ZMIZ1: variants seen among roughly 807,000 people sequenced by gnomAD.
ZMIZ1 encodes zinc finger MIZ-type containing 1.
A neutral mutation model predicts 113.9 loss-of-function variants in ZMIZ1; 17 were observed. The observed-to-expected ratio is 0.15, with a 90% CI of 0.10 to 0.22. The LOEUF (loss-of-function observed/expected upper bound fraction) is 0.22. Ranked by LOEUF, ZMIZ1 falls within the 10% of genes least tolerant of loss-of-function variation. The pLI is 1.00. For synonymous variants in ZMIZ1, 607 were observed against 603.1 expected (o/e 1.01, Z -0.09); for missense variants, 1,059 against 1,477.8 (o/e 0.72, Z 4.65).
At chr10:79,190,330 G>A (rs1375856085) in intron 4 of ZMIZ1, among the ~76,000 whole-genome samples, 1 of 152,294 alleles carries the variant, frequency 6.6e-6, no homozygotes, top group Admixed American at 6.5e-5. Context: ...CTGAGGCCTG[G>A]GTGTGGGCCC....
At chr10:79,091,655 C>T (rs564979584) in intron 1 of ZMIZ1, among the ~76,000 whole-genome samples, 26 of 152,140 alleles carry the variant, frequency 1.7e-4, no homozygotes, top group African/African-American at 6.0e-4. Context: ...AGGCAAGGAG[C>T]GGGAGGAAAG....
chr10:79,279,186 A>ACG (rs1413442163), intron 8 of ZMIZ1, among the ~76,000 whole-genome samples: 14 of 150,392 alleles, frequency 9.3e-5, no homozygotes, highest in Non-Finnish European at 1.8e-4. Flanking sequence ...TGCCAGGGGG[A>ACG]GGGGCTCCTC....
At chr10:79,074,581 C>G (rs1319959604) in intron 1 of ZMIZ1, among the ~76,000 whole-genome samples, 2 of 152,204 alleles carry the variant, frequency 1.3e-5, no homozygotes, top group African/African-American at 4.8e-5. Context: ...AGAGGTGTTT[C>G]CAGCCCCCCG....
chr10:79,103,928 G>T (rs969300332), intron 1 of ZMIZ1, among the ~76,000 whole-genome samples: 1 of 152,208 alleles, frequency 6.6e-6, no homozygotes, highest in Non-Finnish European at 1.5e-5. Context: ...AGCACCATTT[G>T]CCATTGGCTG....
At chr10:79,202,413 G>A (rs188637325) in intron 5 of ZMIZ1, among the ~76,000 whole-genome samples, 4 of 151,974 alleles carry the variant, frequency 2.6e-5, no homozygotes, top group African/African-American at 7.2e-5. Flanking sequence ...AAACCAGCCT[G>A]GGCAACATAG....
At chr10:79,225,939 C>T (rs1849183510) in intron 7 of ZMIZ1, among the ~76,000 whole-genome samples, 1 of 152,164 alleles carries the variant, frequency 6.6e-6, no homozygotes, top group South Asian at 2.1e-4. Flanking sequence ...GTGAGAGTGC[C>T]TCTTAAAATA....
At chr10:79,268,280 G>A (rs967506265) in intron 7 of ZMIZ1, among the ~76,000 whole-genome samples, 1 of 152,236 alleles carries the variant, frequency 6.6e-6, no homozygotes, top group African/African-American at 2.4e-5. Context: ...GGCTGTGCAT[G>A]TCATGAAACA....
intron 7 of ZMIZ1, among the ~76,000 whole-genome samples, chr10:79,219,106 G>T (rs1848858854): frequency 6.6e-6 from 1 of 152,162 alleles, no homozygotes; most frequent in Admixed American, 6.5e-5. Flanking sequence ...GGAGGTCGGG[G>T]TGAGGATGAT....
At chr10:79,311,653 A>G (rs1424821927) in intron 24 of ZMIZ1, among the ~76,000 whole-genome samples, 1 of 150,662 alleles carries the variant, frequency 6.6e-6, no homozygotes, top group Non-Finnish European at 1.5e-5. Context: ...TCCATCGCTC[A>G]CTCCAAGAGG....
intron 23 of ZMIZ1, among the ~76,000 whole-genome samples, chr10:79,308,182 G>GT (rs745687418): frequency 1.0e-3 from 153 of 152,252 alleles, no homozygotes; most frequent in Non-Finnish European, 1.4e-3. Context: ...AGGCCCTCCT[G>GT]TCCCCTGGAG....
At chr10:79,279,114 C>G (rs914759263) in intron 8 of ZMIZ1, among the ~76,000 whole-genome samples, 1 of 149,390 alleles carries the variant, frequency 6.7e-6, no homozygotes, top group African/African-American at 2.5e-5. Context: ...GGCTGCCCCC[C>G]ACCTCCCGGA....
chr10:79,292,051 C>T (rs1048370658), intron 10 of ZMIZ1, 107 bp from the exon 11 acceptor site: 1 of 1,142,522 alleles, frequency 8.8e-7, no homozygotes, highest in Non-Finnish European at 1.3e-6. Context: ...CCCGTCCCCT[C>T]TAGGTTCTGG....
chr10:79,267,147 G>T (rs1367380492), intron 7 of ZMIZ1, among the ~76,000 whole-genome samples: 1 of 152,242 alleles, frequency 6.6e-6, no homozygotes, highest in African/African-American at 2.4e-5. Context: ...AGAAATGAGT[G>T]CCTGTCGGGG....
At chr10:79,230,367 A>G (rs985488757) in intron 7 of ZMIZ1, among the ~76,000 whole-genome samples, 1 of 152,064 alleles carries the variant, frequency 6.6e-6, no homozygotes, top group Admixed American at 6.5e-5. Flanking sequence ...GCCCTGCTCC[A>G]GCCCTGGGCC....
intron 7 of ZMIZ1, among the ~76,000 whole-genome samples, chr10:79,243,925 G>A (rs1368101766): frequency 6.6e-6 from 1 of 152,342 alleles, no homozygotes; most frequent in East Asian, 1.9e-4. Flanking sequence ...GGCGTGCACC[G>A]GGCCGGTTTT....
intron 1 of ZMIZ1, among the ~76,000 whole-genome samples, chr10:79,107,564 A>C (rs556050178): frequency 6.6e-6 from 1 of 152,250 alleles, no homozygotes; most frequent in East Asian, 1.9e-4. Context: ...AGAGCGTTCA[A>C]GTGGATGGGT....
intron 4 of ZMIZ1, among the ~76,000 whole-genome samples, chr10:79,165,155 G>A (rs796758233): frequency 4.6e-5 from 7 of 152,330 alleles, no homozygotes; most frequent in African/African-American, 1.7e-4. Context: ...TCTGTCTGGT[G>A]TAACCTCAGC....
intron 4 of ZMIZ1, among the ~76,000 whole-genome samples, chr10:79,169,689 GT>G (rs1846520102): frequency 6.6e-6 from 1 of 152,226 alleles, no homozygotes; most frequent in South Asian, 2.1e-4. Context: ...ACAGTCCTGG[GT>G]TCAAATCTCT....
At chr10:79,168,705 G>A (rs1398656350) in intron 4 of ZMIZ1, among the ~76,000 whole-genome samples, 1 of 152,192 alleles carries the variant, frequency 6.6e-6, no homozygotes, top group Non-Finnish European at 1.5e-5. Context: ...GCATGGTCAC[G>A]CTCTCAGCCC....
Sources: gnomAD v4.1 joint callset for allele counts (sites outside exome capture counted in the v4.1 genomes callset) on GRCh38, gnomAD v4.1.1 for gene constraint, MANE v1.5 for transcripts, NCBI Gene and HGNC (gene_info 2026-07-23, HGNC 2026-07-21) for gene names.